The following GLI2 variants were observed in gnomAD, a reference collection of about 807,000 sequenced individuals.
GLI2 encodes transcription activator GLI2.
A neutral mutation model predicts 78.9 loss-of-function variants in GLI2; 22 were observed. The observed-to-expected ratio is 0.28, with a 90% confidence interval of 0.20 to 0.40. The LOEUF (loss-of-function observed/expected upper bound fraction) is 0.40, where lower values mean the gene tolerates loss of function less well. Ranked by LOEUF, GLI2 falls within the 10% of genes least tolerant of loss-of-function variation. The pLI, the probability that GLI2 is intolerant of heterozygous loss-of-function variation, is 1.00. For synonymous variants in GLI2, 974 were observed against 963.7 expected (o/e 1.01, Z -0.20); for missense variants, 2,097 against 2,213.2 (o/e 0.95, Z 1.05).
chr2:120,982,049 G>GAGGC (rs1682739157), intron 10 of GLI2, among the ~76,000 whole-genome samples: 2 of 152,172 alleles, frequency 1.3e-5, no homozygotes, highest in Admixed American at 1.3e-4. Context: ...GAGAATATCA[G>GAGGC]AAAAATGCTC....
intron 3 of GLI2, among the ~76,000 whole-genome samples, chr2:120,935,480 C>G (rs144938396): frequency 5.3e-5 from 8 of 152,314 alleles, no homozygotes; most frequent in Admixed American, 1.3e-4. Context: ...CAGGCCCCTC[C>G]CCATCTCTGG....
chr2:120,930,409 C>T (rs1400402777), intron 3 of GLI2, among the ~76,000 whole-genome samples: 2 of 152,260 alleles, frequency 1.3e-5, no homozygotes, highest in Non-Finnish European at 2.9e-5. Flanking sequence ...CCCTATGGCT[C>T]ACCCACTTTG....
At chr2:120,867,087 G>A (rs1230862797) in intron 2 of GLI2, 2 of 152,220 alleles carry the variant, frequency 1.3e-5, no homozygotes, top group Admixed American at 6.6e-5. Context: ...CTCCCTTCCC[G>A]GGCCTCAATT....
At chr2:120,819,239 A>ATTTTTTTTT (rs10701244) in intron 2 of GLI2, among the ~76,000 whole-genome samples, 1 of 116,748 alleles carries the variant, frequency 8.6e-6, no homozygotes. Flanking sequence ...ACTAATAGAG[A>ATTTTTTTTT]TTTTTTTTTT....
chr2:120,984,533 G>C lies in GLI2; in HGVS notation c.1695G>C (p.Arg565=). ...GATACACAGACCCCAGCTCTCTCCG[G>C]AAGCATGTGAAAACGGTCCACGGCC... is the stretch of plus-strand genomic sequence containing the variant. The part of the protein sequence containing the change: ...TKRYTDPSSL[R]KHVKTVHGPD... Residue 565 remains arginine, a synonymous_variant, in exon 12 of 14, where the codon CGG becomes CGC. Coordinates refer to ENST00000361492, the MANE Select transcript of GLI2 (RefSeq NM_001374353.1). 1 of 1,614,176 alleles carries C rather than the reference G, an allele frequency of 6.2e-7. No individual in the cohort carries two copies. Among genetic ancestry groups the C allele is most frequent in the Non-Finnish European group, 8.5e-7 (1 of 1,180,032 alleles).
At chr2:120,987,199 G>T (rs551778629) in intron 13 of GLI2, among the ~76,000 whole-genome samples, 1 of 152,326 alleles carries the variant, frequency 6.6e-6, no homozygotes, top group South Asian at 2.1e-4. Context: ...CGTCTTTAAC[G>T]AGCATGTCTT....
chr2:120,969,530 T>C (rs1023332934), intron 6 of GLI2, among the ~76,000 whole-genome samples: 3 of 152,234 alleles, frequency 2.0e-5, no homozygotes, highest in Non-Finnish European at 2.9e-5. Flanking sequence ...GTATTTGTTA[T>C]CTTTTGCTGC....
At chr2:120,872,089 G>A (rs937063297) in intron 2 of GLI2, among the ~76,000 whole-genome samples, 1 of 152,218 alleles carries the variant, frequency 6.6e-6, no homozygotes, top group African/African-American at 2.4e-5. Context: ...TGTGCCAGGT[G>A]GTCAGTGGCT....
rs566701156 is a variant in GLI2 at position 120,785,958 on chromosome 2, C to T, written c.-30-11333C>T. On this transcript the variant is annotated intron_variant, in intron 1 of 13. Transcript: ENST00000361492. ...AGGACTGCTTGGGGGCTGAGCTGCC[C>T]GGGGGCTGGATGAGATGACCCCTGG... Among the ~76,000 whole-genome samples, 10 of 152,288 alleles carry T rather than the reference C, an allele frequency of 6.6e-5. No individual in the cohort carries two copies. The East Asian group carries it at 1.4e-3, about 21-fold the overall frequency.
At chr2:120,836,188 C>T (rs958875930) in intron 2 of GLI2, among the ~76,000 whole-genome samples, 1 of 152,188 alleles carries the variant, frequency 6.6e-6, no homozygotes, top group Non-Finnish European at 1.5e-5. Flanking sequence ...CCTCTTCTAT[C>T]TCCTGCCCCC....
At chr2:120,858,456 G>A (rs1296083389) in intron 2 of GLI2, among the ~76,000 whole-genome samples, 3 of 152,192 alleles carry the variant, frequency 2.0e-5, no homozygotes, top group Non-Finnish European at 4.4e-5. Flanking sequence ...TCAGGGCCAA[G>A]CTAGTGAACA....
chr2:120,990,364 C>G lies in GLI2; in HGVS notation c.4399C>G (p.Gln1467Glu). The G allele has an allele frequency of 2.5e-6, 4 of 1,614,064 alleles. No individual in the cohort carries two copies. The highest frequency in any genetic ancestry group is 3.4e-6 in the Non-Finnish European group (4 of 1,180,032). Residue 1467 changes from glutamine (Q) to glutamate (E), a missense_variant, in exon 14 of 14, where the codon CAG (glutamine) becomes GAG (glutamate). Gln to Glu is a conservative substitution (Grantham distance 29). Around this residue, in one of 5 missense-constraint regions of GLI2, gnomAD observed 1,290 missense variants for 1,261.7 expected, o/e 1.02. Coordinates refer to ENST00000361492, the MANE Select transcript of GLI2 (RefSeq NM_001374353.1). ...GCCACAGGCCTGTCAGGACAGCATC[C>G]AGCCCCAGCCCTTGCCCTCACCAGG... Reference protein sequence around the residue: ...PQPQACQDSIQPQPLPSPGVN... With the variant: ...PQPQACQDSIEPQPLPSPGVN...
At chr2:120,747,977 C>T (rs184960940) in intron 1 of GLI2, among the ~76,000 whole-genome samples, 23 of 152,318 alleles carry the variant, frequency 1.5e-4, no homozygotes, top group East Asian at 7.7e-4. Context: ...GTTATGTGCC[C>T]GGCACTTATT....
intron 5 of GLI2, among the ~76,000 whole-genome samples, chr2:120,966,398 C>T (rs1681859210): frequency 6.6e-6 from 1 of 152,222 alleles, no homozygotes; most frequent in Non-Finnish European, 1.5e-5. Flanking sequence ...CACCCCACTG[C>T]AGGCCACTGT....
At chr2:120,890,208 CA>C (rs1677611480) in intron 2 of GLI2, among the ~76,000 whole-genome samples, 1 of 152,110 alleles carries the variant, frequency 6.6e-6, no homozygotes, top group South Asian at 2.1e-4. Flanking sequence ...AAGCCAATCC[CA>C]AAAGGTTACC....
intron 3 of GLI2, among the ~76,000 whole-genome samples, chr2:120,932,546 C>T (rs1250750450): frequency 2.6e-5 from 4 of 152,330 alleles, no homozygotes; most frequent in Non-Finnish European, 5.9e-5. Context: ...AGGCTACCCG[C>T]ACTGGGACCC....
chr2:120,792,500 A>G (rs888655229), intron 1 of GLI2: 1 of 152,276 alleles, frequency 6.6e-6, no homozygotes, highest in Non-Finnish European at 1.5e-5. Context: ...GCTTGGGCAT[A>G]GCTGCGACTC....
At chr2:120,773,233 A>C (rs1010626266) in intron 1 of GLI2, among the ~76,000 whole-genome samples, 1 of 151,946 alleles carries the variant, frequency 6.6e-6, no homozygotes, top group African/African-American at 2.4e-5. Context: ...CTTTTGGGGG[A>C]AAAGGGGAGA....
chr2:120,978,406 C>A (rs1169660438), intron 9 of GLI2, 28 bp from the exon 10 acceptor site: 3 of 1,613,804 alleles, frequency 1.9e-6, no homozygotes, highest in Non-Finnish European at 2.5e-6. Context: ...GCCCTGCTTA[C>A]CCTCTTCTGG....
Sources: allele counts gnomAD v4.1 joint callset (sites outside exome capture counted in the v4.1 genomes callset), GRCh38; gene constraint gnomAD v4.1.1; regional missense constraint gnomAD v4.1.1; transcripts MANE v1.5; gene names NCBI Gene and HGNC (gene_info 2026-07-23, HGNC 2026-07-21).